ANK3: variants seen among roughly 807,000 people sequenced by gnomAD.
ANK3 encodes the protein ankyrin 3.
A neutral mutation model predicts 370.9 loss-of-function variants in ANK3; 57 were observed. The ratio of observed to expected loss-of-function variants is 0.15; its 90% confidence interval spans 0.12 to 0.19. The LOEUF is 0.19. Among genes scored for constraint, ANK3 ranks in the 10% least tolerant of loss-of-function variants. The pLI, the probability that ANK3 is intolerant of heterozygous loss-of-function variation, is 1.00. For synonymous variants in ANK3, 1,929 were observed against 1,946.3 expected (o/e 0.99, Z 0.23); for missense variants, 4,439 against 5,302.1 (o/e 0.84, Z 5.06).
chr10:60,460,459 T>C (rs570504208), intron 2 of ANK3, among the ~76,000 whole-genome samples: 1 of 152,284 alleles, frequency 6.6e-6, no homozygotes, highest in African/African-American at 2.4e-5. Context: ...CTTGAATATT[T>C]CTTGGAGAAC....
chr10:60,467,322 A>G (rs750858935), intron 2 of ANK3, among the ~76,000 whole-genome samples: 3 of 152,158 alleles, frequency 2.0e-5, no homozygotes, highest in African/African-American at 7.2e-5. Flanking sequence ...ATTCATTAAC[A>G]TATAGTTGCT....
chr10:60,281,184 C>T (rs1160140701), intron 1 of ANK3, among the ~76,000 whole-genome samples: 1 of 152,156 alleles, frequency 6.6e-6, no homozygotes, highest in Non-Finnish European at 1.5e-5. Context: ...GAGTCACCTG[C>T]CCCCTTCTCT....
At chr10:60,279,212 C>A in intron 2 of ANK3, 64 bp from the exon 3 acceptor site, 2 of 1,371,004 alleles carry the variant, frequency 1.5e-6, no homozygotes, top group Non-Finnish European at 2.1e-6. Context: ...AACAACCGAC[C>A]AAGAACTCCT....
chr10:60,599,475 AG>A (rs1185799678), intron 2 of ANK3, among the ~76,000 whole-genome samples: 2 of 152,222 alleles, frequency 1.3e-5, no homozygotes, highest in Non-Finnish European at 2.9e-5. Context: ...TATGTGAGGC[AG>A]TTTATATAAC....
At chr10:60,193,267 G>A (rs1246575866) in intron 16 of ANK3, among the ~76,000 whole-genome samples, 1 of 152,206 alleles carries the variant, frequency 6.6e-6, no homozygotes, top group Non-Finnish European at 1.5e-5. Flanking sequence ...CTTTGTAAAG[G>A]ATGTTTTGCA....
At chr10:60,468,235 C>T (rs1009754554) in intron 2 of ANK3, among the ~76,000 whole-genome samples, 37 of 152,090 alleles carry the variant, frequency 2.4e-4, no homozygotes, top group Middle Eastern at 6.8e-3. Flanking sequence ...CTGCCCATCT[C>T]GGCCTCCCAA....
intron 2 of ANK3, among the ~76,000 whole-genome samples, chr10:60,399,658 T>C (rs1263827840): frequency 6.6e-6 from 1 of 152,194 alleles, no homozygotes; most frequent in Admixed American, 6.5e-5. Flanking sequence ...GTGGACTGAA[T>C]CTGCCCCAGT....
chr10:60,304,637 T>C (rs2044584764), intron 1 of ANK3, among the ~76,000 whole-genome samples: 1 of 152,126 alleles, frequency 6.6e-6, no homozygotes, highest in Non-Finnish European at 1.5e-5. Flanking sequence ...AGTGAGGCTC[T>C]GTCTCGAAAA....
At chr10:60,475,109 T>C (rs760133740) in intron 2 of ANK3, among the ~76,000 whole-genome samples, 1 of 152,174 alleles carries the variant, frequency 6.6e-6, no homozygotes, top group Non-Finnish European at 1.5e-5. Flanking sequence ...CTGGCAGCAC[T>C]GAAAGTAGCA....
chr10:60,476,875 G>T (rs535933366), intron 2 of ANK3, among the ~76,000 whole-genome samples: 77 of 152,188 alleles, frequency 5.1e-4, no homozygotes, highest in Admixed American at 3.7e-3. Flanking sequence ...AATCATTTTC[G>T]AATTCTAGTT....
At chr10:60,536,750 A>G (rs2076733790) in intron 2 of ANK3, among the ~76,000 whole-genome samples, 1 of 152,048 alleles carries the variant, frequency 6.6e-6, no homozygotes, top group Non-Finnish European at 1.5e-5. Context: ...GCTTTCCACA[A>G]CGGAGTCTGA....
intron 38 of ANK3, among the ~76,000 whole-genome samples, chr10:60,065,278 T>C (rs941595086): frequency 7.2e-5 from 11 of 152,202 alleles, no homozygotes; most frequent in African/African-American, 2.7e-4. Context: ...GTGGCTGCCT[T>C]GGAAGAGGGA....
chr10:60,402,978 G>A (rs1354944579), intron 2 of ANK3, among the ~76,000 whole-genome samples: 2 of 152,076 alleles, frequency 1.3e-5, no homozygotes, highest in Non-Finnish European at 2.9e-5. Context: ...AAAAGGCTGA[G>A]AATATGAATC....
intron 23 of ANK3, among the ~76,000 whole-genome samples, chr10:60,164,458 G>A (rs2095571766): frequency 6.6e-6 from 1 of 151,282 alleles, no homozygotes; most frequent in Admixed American, 6.6e-5. Flanking sequence ...GGTTGCTGAG[G>A]GGAACAATAG....
chr10:60,715,651 T>C (rs1334938095), intron 1 of ANK3, among the ~76,000 whole-genome samples: 1 of 152,186 alleles, frequency 6.6e-6, no homozygotes, highest in Non-Finnish European at 1.5e-5. Context: ...ATAAAAGTTA[T>C]TTCAGATAGT....
intron 2 of ANK3, among the ~76,000 whole-genome samples, chr10:60,484,785 C>G (rs929260343): frequency 6.6e-6 from 1 of 152,146 alleles, no homozygotes; most frequent in Non-Finnish European, 1.5e-5. Context: ...ATTCCTGACT[C>G]AAAGTTAACC....
intron 1 of ANK3, among the ~76,000 whole-genome samples, chr10:60,364,524 C>G (rs577094466): frequency 6.6e-6 from 1 of 151,846 alleles, no homozygotes; most frequent in East Asian, 1.9e-4. Context: ...AGGGGAACAT[C>G]ACACACTGGG....
chr10:60,380,778 T>G (rs1251302433), intron 1 of ANK3, among the ~76,000 whole-genome samples: 4 of 152,308 alleles, frequency 2.6e-5, no homozygotes, highest in South Asian at 4.1e-4. Flanking sequence ...TCAGACTCAC[T>G]TCTTCTGTTT....
chr10:60,205,263 A>G (rs2096744092), intron 11 of ANK3, among the ~76,000 whole-genome samples: 1 of 152,176 alleles, frequency 6.6e-6, no homozygotes, highest in Admixed American at 6.5e-5. Flanking sequence ...CTTACTTGAG[A>G]AAAGCACCAA....
Sources: allele counts gnomAD v4.1 joint callset (sites outside exome capture counted in the v4.1 genomes callset), GRCh38; gene constraint gnomAD v4.1.1; transcripts MANE v1.5; gene names NCBI Gene and HGNC (gene_info 2026-07-23, HGNC 2026-07-21).